USP40: variants seen among roughly 807,000 people sequenced by gnomAD.
The protein encoded by USP40 is ubiquitin specific peptidase 40.
A neutral mutation model predicts 166.2 loss-of-function variants in USP40; 143 were observed. The observed-to-expected ratio is 0.86, with a 90% CI of 0.75 to 0.99. The LOEUF (loss-of-function observed/expected upper bound fraction) is 0.99, where lower values mean the gene tolerates loss of function less well. Among genes scored for constraint, USP40 ranks in the 50% least tolerant of loss-of-function variants. The pLI is 0.00. For missense variants in USP40, 1,444 were observed against 1,479.7 expected, an observed-to-expected ratio of 0.98 and a Z score of 0.40; for synonymous variants, 498 against 524.0, an observed-to-expected ratio of 0.95 and a Z score of 0.68.
At chr2:233,531,866 T>C (rs2068553052) in intron 11 of USP40, among the ~76,000 whole-genome samples, 1 of 152,136 alleles carries the variant, frequency 6.6e-6, no homozygotes, top group African/African-American at 2.4e-5. Flanking sequence ...GATCGAAAAA[T>C]CTTACTAGGC....
At chr2:233,527,624 G>T in intron 12 of USP40, 46 bp from the exon 13 acceptor site, 2 of 1,465,280 alleles carry the variant, frequency 1.4e-6, no homozygotes, top group African/African-American at 1.4e-5. Context: ...TTTTATAACA[G>T]ACACTGTGTT....
intron 31 of USP40, among the ~76,000 whole-genome samples, chr2:233,478,299 CAG>C (rs553119356): frequency 6.7e-4 from 102 of 152,334 alleles, no homozygotes; most frequent in African/African-American, 2.0e-3. Context: ...CACCCACACA[CAG>C]GGGATGAGAG....
intron 5 of USP40, among the ~76,000 whole-genome samples, 197 bp from the exon 6 acceptor site, chr2:233,554,723 C>T (rs972721805): frequency 2.0e-5 from 3 of 152,018 alleles, no homozygotes; most frequent in Non-Finnish European, 2.9e-5. Flanking sequence ...TATAATTTAG[C>T]TTAAAATCTA....
At chr2:233,502,164 A>G (rs1248611547) in intron 21 of USP40, among the ~76,000 whole-genome samples, 4 of 152,226 alleles carry the variant, frequency 2.6e-5, no homozygotes, top group African/African-American at 9.6e-5. Context: ...CAAGGGGTTC[A>G]ACGGAGTACA....
intron 10 of USP40, among the ~76,000 whole-genome samples, chr2:233,535,803 G>A (rs1300050924): frequency 6.6e-6 from 1 of 152,110 alleles, no homozygotes; most frequent in Non-Finnish European, 1.5e-5. Flanking sequence ...TCAATGGTAG[G>A]AATAAGTTGT....
Position 233,480,385 on chromosome 2 carries a change from G to A in USP40, c.3599+818C>T, listed in dbSNP as rs112421156. Among the ~76,000 whole-genome samples the A allele has an allele frequency of 1.6e-3, 239 of 152,336 alleles. 1 individual carries two copies. The highest frequency in any genetic ancestry group is 5.2e-3 in the African/African-American group (216 of 41,572). On this transcript the variant is annotated intron_variant, in intron 31 of 31. Coordinates refer to ENST00000678225, the MANE Select transcript of USP40 (RefSeq NM_001365479.2). This position sits in a 1 kb window ranked among gnomAD's most constrained non-coding sequence, Gnocchi z 4.5. The stretch of plus-strand genomic sequence containing the variant: ...TCGGGGAGTGGGGGAGGATGAGGAC[G>A]CCTGGGGGCCTCTGGTGAGGCCTGC...
intron 31 of USP40, among the ~76,000 whole-genome samples, chr2:233,479,561 C>CAAAA (rs1295940321): frequency 0.02 from 1,892 of 96,274 alleles, 68 homozygotes; most frequent in African/African-American, 0.068. Flanking sequence ...GACTCCGTCG[C>CAAAA]AAAAAAAAAA....
chr2:233,523,400 C>T lies in USP40; in HGVS notation c.1971G>A (p.Lys657=), dbSNP rs1298886160. ...GTGGAGATTCTATCACCTGACAACA[C>T]TTTTCTCCATCACTGCTTGTGTCTA... ...LHLDTSSDGE[K]CCQVIESPHV... The change falls in exon 16 of 32, where the codon AAG becomes AAA. Residue 657 remains lysine (K), a synonymous_variant. Transcript: ENST00000678225. 1.2e-6 allele frequency: 2 copies of T among 1,614,008 alleles called. No individual in the cohort carries two copies. Among genetic ancestry groups the T allele is most frequent in the African/African-American group, 1.3e-5 (1 of 75,058 alleles).
At chr2:233,551,339 G>A in intron 7 of USP40, 37 bp downstream of exon 7, 7 of 1,561,346 alleles carry the variant, frequency 4.5e-6, no homozygotes, top group African/African-American at 1.4e-5. Context: ...ATCTTGAGAG[G>A]GGAAAAGAAA....
rs1383845425 is a variant in USP40 at position 233,493,072 on chromosome 2, A to C, written c.2917+353T>G. On this transcript the variant is annotated intron_variant, in intron 25 of 31. Transcript: ENST00000678225. The surrounding 1 kb of genome is among the most constrained non-coding windows in gnomAD (Gnocchi z 4.7). ...GTCTCTGCCCCTGTGGGCTAAAATG[A>C]CATCATTAGAATTGGATGAAGTCTC... is the stretch of plus-strand genomic sequence containing the variant. The C allele has an allele frequency of 1.6e-5, 5 of 316,890 alleles. No homozygotes were observed. In the Admixed American group the frequency reaches 2.2e-4, roughly 14 times the overall value. The allele number at this position is 316,890 out of a possible 1,614,324, so 19.6% of individuals were successfully genotyped here. A position where few individuals can be genotyped will look rare whatever the true frequency, so the allele number is the denominator to read the frequency against.
chr2:233,530,336 T>C (rs920361536), intron 11 of USP40, among the ~76,000 whole-genome samples: 13 of 152,140 alleles, frequency 8.5e-5, no homozygotes, highest in African/African-American at 1.4e-4. Flanking sequence ...AATGATTACA[T>C]AGTAGTCCAT....
rs201104478 is a variant in USP40 at position 233,493,466 on chromosome 2, G to A, written c.2876C>T (p.Thr959Ile). ...WESHQDQTNC[T>I]SSWGRVWRAT... ...TCTCCAAACTCTGCCCCAAGACGAA[G>A]TACAGTTGGTCTGGTCCTGATGACT... The change falls in exon 25 of 32, where the codon ACT becomes ATT. Residue 959 changes from threonine (T) to isoleucine (I), a missense_variant. Transcript: ENST00000678225. This position sits in a 1 kb window ranked among gnomAD's most constrained non-coding sequence, Gnocchi z 4.7. 165 of 1,613,956 alleles carry A rather than the reference G, an allele frequency of 1.0e-4. 1 individual carries two copies. The East Asian group carries it at 3.7e-3, about 36-fold the overall frequency.
chr2:233,484,540 G>A (rs1203572635), intron 30 of USP40, among the ~76,000 whole-genome samples: 1 of 150,432 alleles, frequency 6.6e-6, no homozygotes, highest in Non-Finnish European at 1.5e-5. Flanking sequence ...GCAGTGGCAC[G>A]ATCTTGGCTC....
chr2:233,565,678 G>A (rs1292146892), intron 1 of USP40, 105 bp from the exon 2 acceptor site: 1 of 1,001,984 alleles, frequency 1.0e-6, no homozygotes, highest in African/African-American at 1.6e-5. Context: ...TAGAACACAG[G>A]ACTACTGTTT....
intron 8 of USP40, 28 bp from the exon 9 acceptor site, chr2:233,542,391 A>G: frequency 1.5e-6 from 2 of 1,339,332 alleles, no homozygotes; most frequent in Non-Finnish European, 2.1e-6. Context: ...ATGAGTTTCT[A>G]TCACTAACCC....
intron 30 of USP40, among the ~76,000 whole-genome samples, chr2:233,484,952 T>C (rs1223877937): frequency 6.6e-6 from 1 of 152,222 alleles, no homozygotes; most frequent in Non-Finnish European, 1.5e-5. Flanking sequence ...TTACTTTGGG[T>C]CCCACTTTAA....
chr2:233,514,485 T>C (rs2067048983), intron 18 of USP40, among the ~76,000 whole-genome samples: 1 of 151,944 alleles, frequency 6.6e-6, no homozygotes, highest in South Asian at 2.1e-4. Context: ...AAAGTCAGCA[T>C]GGGAAGTGAG....
intron 19 of USP40, chr2:233,512,307 T>C: frequency 4.0e-6 from 1 of 253,032 alleles, no homozygotes; most frequent in Admixed American, 5.4e-5. Context: ...AAAATAAAGC[T>C]GGAAAAAATA....
chr2:233,510,392 CT>C (rs1158427662), intron 20 of USP40, among the ~76,000 whole-genome samples: 2,113 of 68,608 alleles, frequency 0.031, 6 homozygotes, highest in African/African-American at 0.13. Context: ...CTTTTTCTTT[CT>C]TTTTTTTTTT....
Sources: gnomAD v4.1 joint callset for allele counts (sites outside exome capture counted in the v4.1 genomes callset) on GRCh38, gnomAD v4.1.1 for gene constraint, Gnocchi (gnomAD v3.1) non-coding constraint, MANE v1.5 for transcripts, NCBI Gene and HGNC (gene_info 2026-07-23, HGNC 2026-07-21) for gene names.